The following PPP1R12B variants were observed in gnomAD, a reference collection of about 807,000 sequenced individuals.
PPP1R12B encodes the protein myosin phosphatase target subunit 2.
A neutral mutation model predicts 126.1 loss-of-function variants in PPP1R12B; 76 were observed. The observed-to-expected ratio is 0.60, with a 90% CI of 0.50 to 0.73. The LOEUF is 0.73. Among genes scored for constraint, PPP1R12B ranks in the 30% least tolerant of loss-of-function variants. PPP1R12B has a pLI of 0.00. For synonymous variants in PPP1R12B, 356 were observed against 434.7 expected (o/e 0.82, Z 2.25); for missense variants, 1,052 against 1,205.1 (o/e 0.87, Z 1.88).
chr1:202,427,005 G>A (rs1571959740), intron 4 of PPP1R12B, 35 bp from the exon 5 acceptor site: 1 of 1,599,902 alleles, frequency 6.3e-7, no homozygotes, highest in Non-Finnish European at 8.5e-7. Context: ...GTAATATACA[G>A]AAGATATATG....
At position 202,424,990 on chromosome 1, in the gene PPP1R12B, C is replaced by T. The variant is rs138044599; in HGVS notation, c.542-576C>T. Among the ~76,000 whole-genome samples, 357 of 152,156 alleles carry T rather than the reference C, an allele frequency of 2.3e-3. 1 individual carries two copies. Among genetic ancestry groups the T allele is most frequent in the African/African-American group, 8.2e-3 (340 of 41,492 alleles). ...TTCAATTTTTAAAGTATATCAATAC[C>T]TGAAACCAAGATTTTGGATACTCAT... On this transcript the variant is annotated intron_variant, in intron 3 of 23. Transcript: ENST00000608999.
chr1:202,355,838 C>T (rs181992418), intron 1 of PPP1R12B, among the ~76,000 whole-genome samples: 26 of 152,238 alleles, frequency 1.7e-4, no homozygotes, highest in Admixed American at 1.4e-3. Flanking sequence ...ATTCAGTCAA[C>T]GATTAGACTG....
At chr1:202,577,913 C>G (rs773802863) in intron 23 of PPP1R12B, among the ~76,000 whole-genome samples, 11 of 152,176 alleles carry the variant, frequency 7.2e-5, no homozygotes, top group African/African-American at 2.7e-4. Flanking sequence ...AACTAAGATC[C>G]AGAGAGTTAA....
intron 1 of PPP1R12B, among the ~76,000 whole-genome samples, chr1:202,377,417 C>T (rs1661365973): frequency 6.6e-6 from 1 of 151,872 alleles, no homozygotes; most frequent in South Asian, 2.1e-4. Flanking sequence ...ATTCTCCTGC[C>T]TCAGCCTCCC....
rs71142528 is a variant in PPP1R12B at position 202,381,434 on chromosome 1, G to GTGTGTGTGTGTGTGTGTATGTA, written c.291+32295_291+32296insGTGTGTGTGTGTGTATGTATGT. 2.5e-4 allele frequency among the ~76,000 whole-genome samples: 33 copies of GTGTGTGTGTGTGTGTGTATGTA among 131,226 alleles called. 2 individuals are homozygous for GTGTGTGTGTGTGTGTGTATGTA. The highest frequency in any genetic ancestry group is 8.7e-4 in the African/African-American group (29 of 33,366). 86.1% of individuals were successfully genotyped at this position (131,226 alleles called of 152,430 possible). On this transcript the variant is annotated intron_variant, in intron 1 of 23. Transcript: ENST00000608999. ...TGTGTGTGTGTGTGTGTGTGTGTGT[G>GTGTGTGTGTGTGTGTGTATGTA]TGTATCATCCCTCAACTGCCTCCTC...
At chr1:202,400,744 TACTA>T (rs1241078251) in intron 1 of PPP1R12B, among the ~76,000 whole-genome samples, 1 of 152,212 alleles carries the variant, frequency 6.6e-6, no homozygotes. Context: ...TTCATAATAA[TACTA>T]AGAAAGAAAT....
intron 13 of PPP1R12B, among the ~76,000 whole-genome samples, chr1:202,452,642 G>A (rs868146989): frequency 3.0e-4 from 45 of 152,230 alleles, no homozygotes; most frequent in African/African-American, 1.0e-3. Context: ...TTTTCAGATT[G>A]TTCACTGTTG....
chr1:202,574,970 T>C, intron 23 of PPP1R12B: 1 of 1,554,554 alleles, frequency 6.4e-7, no homozygotes, highest in East Asian at 2.3e-5. Flanking sequence ...CTGTCTTTTC[T>C]GTCTGTCCTT....
chr1:202,511,771 A>ATTTT (rs772556181), intron 18 of PPP1R12B, among the ~76,000 whole-genome samples: 3 of 107,858 alleles, frequency 2.8e-5, no homozygotes, highest in African/African-American at 1.1e-4. Context: ...ATATACCACA[A>ATTTT]TTTTTTTTTT....
At chr1:202,398,166 C>G (rs1212502636) in intron 1 of PPP1R12B, among the ~76,000 whole-genome samples, 2 of 152,150 alleles carry the variant, frequency 1.3e-5, no homozygotes, top group Non-Finnish European at 2.9e-5. Flanking sequence ...TGATCTCATG[C>G]TCTGAAAGAG....
In PPP1R12B at chr1:202,495,349, A is replaced by G; in HGVS notation, c.2202A>G (p.Ala734=). 2 of 1,600,162 alleles carry G rather than the reference A, an allele frequency of 1.2e-6. No individual in the cohort carries two copies. The highest frequency in any genetic ancestry group is 1.7e-4 in the Middle Eastern group (1 of 5,978). Residue 734 remains alanine (A), a synonymous_variant, in exon 16 of 24, where the codon GCA becomes GCG. Coordinates refer to ENST00000608999, the MANE Select transcript of PPP1R12B (RefSeq NM_002481.4). ...PAQPDKPTTP[A]SPSTSRPSLY... is the part of the protein sequence containing the mutation. ...AGCCAGACAAACCCACCACGCCAGC[A>G]TCTCCTTCTACGTCAAGACCCTCAC...
At chr1:202,566,611 C>CTATCCTCACCATGGCCA (rs1214507884) in intron 21 of PPP1R12B, among the ~76,000 whole-genome samples, 1 of 152,214 alleles carries the variant, frequency 6.6e-6, no homozygotes, top group Non-Finnish European at 1.5e-5. Context: ...TACAGCTCCT[C>CTATCCTCACCATGGCCA]AGGCTTAGGA....
At chr1:202,445,213 C>CTGTA in intron 12 of PPP1R12B, 1 of 1,246,640 alleles carries the variant, frequency 8.0e-7, no homozygotes, top group Non-Finnish European at 1.0e-6. Context: ...ACTACTGCAT[C>CTGTA]TGTACATCAT....
At chr1:202,440,946 A>G (rs949919814) in intron 11 of PPP1R12B, among the ~76,000 whole-genome samples, 158 bp downstream of exon 11, 4 of 152,120 alleles carry the variant, frequency 2.6e-5, no homozygotes, top group Non-Finnish European at 5.9e-5. Flanking sequence ...CAACTCTTAT[A>G]TCCTTGCTTT....
chr1:202,390,905 A>G (rs755611854), intron 1 of PPP1R12B, among the ~76,000 whole-genome samples: 3 of 152,140 alleles, frequency 2.0e-5, no homozygotes, highest in Non-Finnish European at 2.9e-5. Context: ...TCTACAAACA[A>G]TTTGAAAAAT....
chr1:202,589,991 A>G lies in PPP1R12B; in HGVS notation c.*9431A>G, dbSNP rs1429094015. 6.6e-6 allele frequency: 1 copy of G among 152,192 alleles called. No individual in the cohort carries two copies. The highest frequency in any genetic ancestry group is 2.4e-5 in the African/African-American group (1 of 41,440). 9.4% of individuals were successfully genotyped at this position (152,192 alleles called of 1,614,324 possible). ...AGACAGGTGGAAGTGGGAACCGAAG[A>G]AGGAGTTTTACTCTTCCCTGGTCTT... On this transcript the variant is annotated 3_prime_UTR_variant, in exon 24 of 24. Transcript: ENST00000608999.
chr1:202,445,611 A>C (rs2148706730), intron 12 of PPP1R12B, among the ~76,000 whole-genome samples: 1 of 152,344 alleles, frequency 6.6e-6, no homozygotes. Context: ...TCTTGTATTT[A>C]GTCTTTTAAA....
At chr1:202,406,669 C>T (rs1179080365) in intron 1 of PPP1R12B, among the ~76,000 whole-genome samples, 2 of 152,138 alleles carry the variant, frequency 1.3e-5, no homozygotes, top group Non-Finnish European at 2.9e-5. Context: ...ATGGAAAGTC[C>T]TAATGCTTAT....
chr1:202,435,073 C>T (rs1219297148), intron 9 of PPP1R12B, among the ~76,000 whole-genome samples: 1 of 152,112 alleles, frequency 6.6e-6, no homozygotes, highest in Non-Finnish European at 1.5e-5. Context: ...AGAGAAGGAG[C>T]TCTGGTGTCT....
Sources: gnomAD v4.1 joint callset for allele counts (sites outside exome capture counted in the v4.1 genomes callset) on GRCh38, gnomAD v4.1.1 for gene constraint, MANE v1.5 for transcripts, NCBI Gene and HGNC (gene_info 2026-07-23, HGNC 2026-07-21) for gene names.